Variants in POLR3B observed in about 807,000 individuals in gnomAD.
The protein encoded by POLR3B is DNA-directed RNA polymerase III subunit RPC2.
A neutral mutation model predicts 147.4 loss-of-function variants in POLR3B; 96 were observed. The ratio of observed to expected loss-of-function variants is 0.65; its 90% confidence interval spans 0.55 to 0.77. The LOEUF is 0.77. Ranked by LOEUF, POLR3B falls within the 30% of genes least tolerant of loss-of-function variation. POLR3B has a pLI of 0.00. For missense variants in POLR3B, 1,036 were observed against 1,413.5 expected (o/e 0.73, Z 4.28); for synonymous variants, 461 against 485.9 (o/e 0.95, Z 0.67).
At chr12:106,453,460 G>A (rs2037823976) in intron 19 of POLR3B, among the ~76,000 whole-genome samples, 2 of 151,850 alleles carry the variant, frequency 1.3e-5, no homozygotes, top group Non-Finnish European at 2.9e-5. Flanking sequence ...GTACTTCGGA[G>A]TGTGTGTGTG....
At chr12:106,376,523 T>A in intron 7 of POLR3B, 73 bp downstream of exon 7, 1 of 1,106,662 alleles carries the variant, frequency 9.0e-7, no homozygotes. Flanking sequence ...TTTTAACATT[T>A]TGTCTCAAAA....
chr12:106,384,600 A>C (rs1026234168), intron 9 of POLR3B, among the ~76,000 whole-genome samples: 10 of 152,102 alleles, frequency 6.6e-5, no homozygotes, highest in African/African-American at 2.4e-4. Flanking sequence ...TCTGTTTTGC[A>C]GTCTATTTAG....
At chr12:106,411,052 T>A in intron 12 of POLR3B, 92 bp downstream of exon 12, 1 of 1,285,344 alleles carries the variant, frequency 7.8e-7, no homozygotes, top group Non-Finnish European at 1.1e-6. Flanking sequence ...TTGAATGAAA[T>A]ATAGTTTGCA....
intron 19 of POLR3B, among the ~76,000 whole-genome samples, chr12:106,445,074 T>C (rs946028421): frequency 2.0e-5 from 3 of 152,200 alleles, no homozygotes; most frequent in Non-Finnish European, 2.9e-5. Context: ...CTAAAACTTA[T>C]CCAATTCATG....
chr12:106,430,563 A>G (rs1426654774), intron 14 of POLR3B, 90 bp downstream of exon 14: 7 of 934,462 alleles, frequency 7.5e-6, no homozygotes, highest in Non-Finnish European at 1.2e-5. Context: ...TTCTGTTCCC[A>G]TCTCCAGGCC....
At chr12:106,429,094 A>G (rs1445979269) in intron 13 of POLR3B, among the ~76,000 whole-genome samples, 1 of 152,220 alleles carries the variant, frequency 6.6e-6, no homozygotes, top group African/African-American at 2.4e-5. Context: ...CTGAGGAGGA[A>G]TGAAGAACCA....
Position 106,463,467 on chromosome 12 carries a change from C to G in POLR3B, c.2571-11C>G, listed in dbSNP as rs1289455269. 6.2e-7 allele frequency: 1 copy of G among 1,612,616 alleles called. No individual in the cohort carries two copies. Among genetic ancestry groups the G allele is most frequent in the Non-Finnish European group, 8.5e-7 (1 of 1,178,984 alleles). Reference sequence around the variant, plus strand: ...GAAAACTCTGTTTTAGTGACTTTCTCTTAACACCAGCTACAAAGGAGCAAC... The same window carrying G: ...GAAAACTCTGTTTTAGTGACTTTCTGTTAACACCAGCTACAAAGGAGCAAC... On this transcript the variant is annotated splice_polypyrimidine_tract_variant and intron_variant, in intron 22 of 27. Transcript: ENST00000228347.
At chr12:106,439,915 CA>C (rs2037626779) in intron 18 of POLR3B, among the ~76,000 whole-genome samples, 1 of 151,664 alleles carries the variant, frequency 6.6e-6, no homozygotes, top group South Asian at 2.1e-4. Context: ...AAAAGTTAGC[CA>C]AGTGTTGTGG....
At chr12:106,433,646 A>G in intron 15 of POLR3B, 73 bp from the exon 16 acceptor site, 1 of 1,222,222 alleles carries the variant, frequency 8.2e-7, no homozygotes, top group African/African-American at 1.5e-5. Flanking sequence ...TACTATTTTT[A>G]TTGGTTGGAT....
At chr12:106,483,153 T>C (rs571821317) in intron 23 of POLR3B, among the ~76,000 whole-genome samples, 115 of 152,308 alleles carry the variant, frequency 7.6e-4, no homozygotes, top group Middle Eastern at 3.4e-3. Context: ...ATATGAAAAG[T>C]TGTCCCTCTG....
At chr12:106,357,981 G>A (rs748799498) in intron 1 of POLR3B, 30 bp downstream of exon 1, 1 of 1,609,052 alleles carries the variant, frequency 6.2e-7, no homozygotes, top group South Asian at 1.1e-5. Flanking sequence ...GGAGCGTCAG[G>A]GACAAGGATG....
Position 106,432,341 on chromosome 12 carries a change from G to A in POLR3B, c.1488G>A (p.Leu496=), listed in dbSNP as rs776540625. ...AGGCATGTGGTTTGGTTAAAAACTTGGCCCTTATGACACACATCACAACTG... is the reference window on the plus strand; with the variant it reads ...AGGCATGTGGTTTGGTTAAAAACTTAGCCCTTATGACACACATCACAACTG... ...EGEACGLVKN[L]ALMTHITTDM... Residue 496 remains leucine (L), a synonymous_variant, in exon 15 of 28, where the codon TTG becomes TTA. Coordinates refer to ENST00000228347, the MANE Select transcript of POLR3B (RefSeq NM_018082.6). The A allele has an allele frequency of 6.2e-7, 1 of 1,613,684 alleles. No individual in the cohort carries two copies. The highest frequency in any genetic ancestry group is 1.3e-5 in the African/African-American group (1 of 74,990).
chr12:106,436,319 G>A (rs559892334), intron 16 of POLR3B, among the ~76,000 whole-genome samples: 171 of 152,262 alleles, frequency 1.1e-3, no homozygotes, highest in Admixed American at 1.8e-3. Context: ...CTTTGTGTCC[G>A]GGTTTCCTCA....
Position 106,457,955 on chromosome 12 carries a change from G to A in POLR3B, c.2452+659G>A, listed in dbSNP as rs897799598. Among the ~76,000 whole-genome samples the A allele has an allele frequency of 3.3e-5, 5 of 152,254 alleles. No homozygotes were observed. In the South Asian group the frequency reaches 1.0e-3, roughly 32 times the overall value. On this transcript the variant is annotated intron_variant, in intron 21 of 27. Coordinates refer to ENST00000228347, the MANE Select transcript of POLR3B (RefSeq NM_018082.6). ...GTTCTAAGTAATGAGAAAAGCTTGT[G>A]CAAGGGTCCCAGAGCTTGGTAGTTG...
intron 12 of POLR3B, among the ~76,000 whole-genome samples, chr12:106,416,309 CTATA>C (rs2037301398): frequency 6.6e-6 from 1 of 152,174 alleles, no homozygotes; most frequent in Non-Finnish European, 1.5e-5. Context: ...ATACACACCA[CTATA>C]TATAATGTGT....
intron 23 of POLR3B, among the ~76,000 whole-genome samples, chr12:106,489,807 C>T (rs1376890284): frequency 6.6e-6 from 1 of 152,208 alleles, no homozygotes; most frequent in Non-Finnish European, 1.5e-5. Flanking sequence ...CTAAAATCCT[C>T]TCTGCAAGTC....
chr12:106,499,581 T>C (rs1303667323), intron 25 of POLR3B, among the ~76,000 whole-genome samples: 1 of 152,192 alleles, frequency 6.6e-6, no homozygotes, highest in Non-Finnish European at 1.5e-5. Context: ...TGGAATAGCA[T>C]TGGGTAACCG....
Position 106,364,105 on chromosome 12 carries a change from T to C in POLR3B, c.105+203T>C, listed in dbSNP as rs116444326. Among the ~76,000 whole-genome samples, 1,029 of 152,184 alleles carry C rather than the reference T, an allele frequency of 6.8e-3. 12 individuals are homozygous for C. Among genetic ancestry groups the C allele is most frequent in the African/African-American group, 0.023 (940 of 41,530 alleles). On this transcript the variant is annotated intron_variant, in intron 2 of 27. Coordinates refer to ENST00000228347, the MANE Select transcript of POLR3B (RefSeq NM_018082.6). Reference sequence around the variant, plus strand: ...GTGGTAGTCTAATTTTAGAGAGAAGTAGTAGTACATGCACAGTAGCATGGC... The same window carrying C: ...GTGGTAGTCTAATTTTAGAGAGAAGCAGTAGTACATGCACAGTAGCATGGC...
At chr12:106,429,071 T>C (rs1052506570) in intron 13 of POLR3B, among the ~76,000 whole-genome samples, 1 of 152,190 alleles carries the variant, frequency 6.6e-6, no homozygotes, top group African/African-American at 2.4e-5. Flanking sequence ...ATTCCTGGCT[T>C]TTATTGGGTC....
Sources: gnomAD v4.1 joint callset for allele counts (sites outside exome capture counted in the v4.1 genomes callset) on GRCh38, gnomAD v4.1.1 for gene constraint, MANE v1.5 for transcripts, NCBI Gene and HGNC (gene_info 2026-07-23, HGNC 2026-07-21) for gene names.